EXOC2: variants seen among roughly 807,000 people sequenced by gnomAD.
EXOC2 encodes the protein SEC5-like 1.
Under a neutral mutation model 131.8 loss-of-function variants are expected in EXOC2, and 70 were observed. The observed-to-expected ratio is 0.53, with a 90% CI of 0.44 to 0.65. The LOEUF is 0.65. EXOC2 is among the 30% of genes least tolerant of loss of function. The pLI is 0.00. For synonymous variants in EXOC2, 411 were observed against 398.4 expected, an observed-to-expected ratio of 1.03 and a Z score of -0.38; for missense variants, 923 against 1,108.6, an observed-to-expected ratio of 0.83 and a Z score of 2.38.
At chr6:558,124 T>G (rs564077764) in intron 17 of EXOC2, among the ~76,000 whole-genome samples, 1 of 152,220 alleles carries the variant, frequency 6.6e-6, no homozygotes, top group Admixed American at 6.5e-5. Flanking sequence ...TTAAAAGAGT[T>G]TGGGAAAAAA....
intron 11 of EXOC2, among the ~76,000 whole-genome samples, chr6:586,798 C>T (rs1204858057): frequency 1.3e-5 from 2 of 152,142 alleles, no homozygotes; most frequent in Non-Finnish European, 2.9e-5. Context: ...ACTAGTCCCA[C>T]CCCTGCTCAG....
chr6:631,515 G>GCC (rs1761855970), intron 3 of EXOC2, among the ~76,000 whole-genome samples: 6 of 151,758 alleles, frequency 4.0e-5, no homozygotes, highest in Middle Eastern at 3.4e-3. Context: ...TTGCACTCCA[G>GCC]CATGGGCGAC....
intron 1 of EXOC2, chr6:656,684 C>G: frequency 6.2e-7 from 1 of 1,606,828 alleles, no homozygotes; most frequent in Non-Finnish European, 8.5e-7. Flanking sequence ...CCGCCCGGGA[C>G]AGGTGCTCCG....
At chr6:596,955 A>G (rs1759851202) in intron 10 of EXOC2, among the ~76,000 whole-genome samples, 1 of 152,196 alleles carries the variant, frequency 6.6e-6, no homozygotes, top group African/African-American at 2.4e-5. Context: ...ACTACTTTTT[A>G]TGTGCCGGGT....
intron 21 of EXOC2, among the ~76,000 whole-genome samples, chr6:551,118 A>C (rs1011343544): frequency 5.9e-5 from 9 of 152,224 alleles, no homozygotes; most frequent in Non-Finnish European, 2.9e-5. Context: ...TTAACAACTA[A>C]GATGGAGACG....
chr6:612,817 C>CAAAA (rs1760782318), intron 6 of EXOC2, among the ~76,000 whole-genome samples: 1 of 152,176 alleles, frequency 6.6e-6, no homozygotes, highest in Non-Finnish European at 1.5e-5. Context: ...CGGCTTTTTA[C>CAAAA]CCCAGTGTAC....
chr6:523,804 C>G (rs1765607404), intron 23 of EXOC2, among the ~76,000 whole-genome samples: 1 of 152,198 alleles, frequency 6.6e-6, no homozygotes, highest in African/African-American at 2.4e-5. Flanking sequence ...TTGGTGATAT[C>G]ACTAACTCAT....
intron 1 of EXOC2, among the ~76,000 whole-genome samples, chr6:691,492 T>C (rs925292132): frequency 4.6e-5 from 7 of 152,366 alleles, no homozygotes; most frequent in Non-Finnish European, 4.4e-5. Context: ...TCCACTTTCA[T>C]TTAAAGAAGA....
intron 8 of EXOC2, 53 bp from the exon 9 acceptor site, chr6:598,994 T>G: frequency 3.8e-6 from 6 of 1,568,012 alleles, no homozygotes; most frequent in Non-Finnish European, 4.3e-6. Context: ...AATGAAGACA[T>G]TTGGTTAATA....
At chr6:650,868 G>A (rs1762795922) in intron 1 of EXOC2, among the ~76,000 whole-genome samples, 1 of 152,042 alleles carries the variant, frequency 6.6e-6, no homozygotes, top group Non-Finnish European at 1.5e-5. Context: ...TATGAAACTA[G>A]TAAAAAATAT....
intron 1 of EXOC2, among the ~76,000 whole-genome samples, chr6:662,885 C>G (rs1381724765): frequency 6.6e-6 from 1 of 151,882 alleles, no homozygotes; most frequent in Non-Finnish European, 1.5e-5. Context: ...GCTGGTTCTA[C>G]AAGGCTGAGG....
chr6:642,705 GAAAT>G (rs2127724335), intron 1 of EXOC2, among the ~76,000 whole-genome samples: 1 of 152,184 alleles, frequency 6.6e-6, no homozygotes, highest in South Asian at 2.1e-4. Flanking sequence ...TTTTTAAAAA[GAAAT>G]GCAATGCAAA....
At chr6:577,238 T>A (rs1561879468) in intron 11 of EXOC2, among the ~76,000 whole-genome samples, 1 of 152,174 alleles carries the variant, frequency 6.6e-6, no homozygotes, top group Non-Finnish European at 1.5e-5. Flanking sequence ...CTCCTCTGAC[T>A]TCTCCCTTAA....
chr6:571,419 T>C (rs1758271202), intron 13 of EXOC2, among the ~76,000 whole-genome samples: 1 of 152,186 alleles, frequency 6.6e-6, no homozygotes, highest in African/African-American at 2.4e-5. Context: ...GCTGCAGGAA[T>C]CCAGCGGGTT....
At chr6:539,430 C>G (rs542965928) in intron 22 of EXOC2, among the ~76,000 whole-genome samples, 1 of 151,830 alleles carries the variant, frequency 6.6e-6, no homozygotes, top group Non-Finnish European at 1.5e-5. Flanking sequence ...CAATAAGCCA[C>G]CGCCCTGCCT....
At chr6:530,842 C>A (rs374334827) in intron 23 of EXOC2, among the ~76,000 whole-genome samples, 1 of 152,224 alleles carries the variant, frequency 6.6e-6, no homozygotes, top group Non-Finnish European at 1.5e-5. Context: ...CAGATGGCTG[C>A]ATCTGTACTG....
intron 7 of EXOC2, among the ~76,000 whole-genome samples, chr6:608,965 T>C (rs930922706): frequency 2.6e-5 from 4 of 152,214 alleles, no homozygotes; most frequent in Admixed American, 1.3e-4. Context: ...AATATCTTCA[T>C]TTTAACAACA....
At chr6:550,344 G>A (rs1430973679) in intron 21 of EXOC2, among the ~76,000 whole-genome samples, 3 of 152,218 alleles carry the variant, frequency 2.0e-5, no homozygotes, top group Non-Finnish European at 4.4e-5. Flanking sequence ...TAGTCACCAA[G>A]AGTATTTTAT....
chr6:603,328 C>T (rs936669698), intron 7 of EXOC2, among the ~76,000 whole-genome samples: 9 of 152,136 alleles, frequency 5.9e-5, no homozygotes, highest in African/African-American at 1.9e-4. Context: ...TTTCAACAGG[C>T]TAGAAAATGA....
Sources: gnomAD v4.1 joint callset for allele counts (sites outside exome capture counted in the v4.1 genomes callset) on GRCh38, gnomAD v4.1.1 for gene constraint, MANE v1.5 for transcripts, NCBI Gene and HGNC (gene_info 2026-07-23, HGNC 2026-07-21) for gene names.